The following ABRA variants were observed in gnomAD, a reference collection of about 807,000 sequenced individuals.
ABRA encodes the protein actin binding Rho activating protein, also known as actin-binding Rho-activating protein.
ABRA carries 25 observed loss-of-function variants against 33.4 expected under a neutral mutation model. The observed-to-expected ratio is 0.75, with a 90% confidence interval of 0.55 to 1.04. ABRA has a LOEUF of 1.04. Ranked by LOEUF, ABRA falls within the 50% of genes least tolerant of loss-of-function variation. The pLI, the probability that ABRA is intolerant of heterozygous loss-of-function variation, is 0.00. For synonymous variants in ABRA, 193 were observed against 176.8 expected, an observed-to-expected ratio of 1.09 and a Z score of -0.73; for missense variants, 501 against 491.7, an observed-to-expected ratio of 1.02 and a Z score of -0.18.
In ABRA at chr8:106,770,205, T is replaced by C; in HGVS notation, c.-15A>G. ...CCCGGAGCCATGCTGCCCACCTGTC[T>C]TTCTCTGCTGATAGCCTGGACACTG... On this transcript the variant is annotated 5_prime_UTR_variant, in exon 1 of 2. Coordinates refer to ENST00000311955, the MANE Select transcript of ABRA (RefSeq NM_139166.5). 2.5e-6 allele frequency: 4 copies of C among 1,591,720 alleles called. No individual in the cohort carries two copies. Among genetic ancestry groups the C allele is most frequent in the Admixed American group, 3.4e-5 (2 of 59,224 alleles).
chr8:106,768,292 C>CTT (rs1271164878), intron 1 of ABRA, among the ~76,000 whole-genome samples: 1 of 152,134 alleles, frequency 6.6e-6, no homozygotes, highest in Non-Finnish European at 1.5e-5. Flanking sequence ...GAAATCCTGA[C>CTT]TTTCTACCAT....
chr8:106,762,363 A>G (rs1836150819), intron 1 of ABRA, among the ~76,000 whole-genome samples: 1 of 152,256 alleles, frequency 6.6e-6, no homozygotes, highest in Non-Finnish European at 1.5e-5. Flanking sequence ...ACCAAGGTCA[A>G]TGCTCTTTCT....
At chr8:106,762,915 A>G (rs1836158100) in intron 1 of ABRA, among the ~76,000 whole-genome samples, 1 of 152,174 alleles carries the variant, frequency 6.6e-6, no homozygotes, top group Non-Finnish European at 1.5e-5. Context: ...TGAACTATCT[A>G]AAAGAGAGTT....
intron 1 of ABRA, among the ~76,000 whole-genome samples, chr8:106,761,739 A>G (rs1243215087): frequency 6.6e-6 from 1 of 152,240 alleles, no homozygotes; most frequent in African/African-American, 2.4e-5. Flanking sequence ...TTCTCTATGA[A>G]TAACGATTTT....
chr8:106,767,102 T>C (rs914977332), intron 1 of ABRA, among the ~76,000 whole-genome samples: 2 of 152,232 alleles, frequency 1.3e-5, no homozygotes, highest in African/African-American at 4.8e-5. Context: ...ACAAATTCCC[T>C]AATATTTCTT....
At position 106,760,839 on chromosome 8, in the gene ABRA, T is replaced by C. The variant is rs982503720; in HGVS notation, c.*198A>G. 1 of 596,864 alleles carries C rather than the reference T, an allele frequency of 1.7e-6. No homozygotes were observed. The highest frequency in any genetic ancestry group is 3.0e-5 in the Admixed American group (1 of 33,618). The allele number at this position is 596,864 out of a possible 1,614,324, so 37.0% of individuals were successfully genotyped here. ...ATTATACATTAACATTCTATGTGCTTTCTGAAATGCTTTGTGCCTTCTCAA... is the reference window on the plus strand; with the variant it reads ...ATTATACATTAACATTCTATGTGCTCTCTGAAATGCTTTGTGCCTTCTCAA... On this transcript the variant is annotated 3_prime_UTR_variant, in exon 2 of 2. Coordinates refer to ENST00000311955, the MANE Select transcript of ABRA (RefSeq NM_139166.5).
chr8:106,768,041 GC>G (rs1015832139), intron 1 of ABRA, among the ~76,000 whole-genome samples: 2 of 151,060 alleles, frequency 1.3e-5, no homozygotes, highest in African/African-American at 4.9e-5. Flanking sequence ...GTTGCAGTGA[GC>G]CGAGGTCGTG....
rs1836115801 is a variant in ABRA at position 106,760,192 on chromosome 8, A to G, written c.*845T>C. 1 of 152,228 alleles carries G rather than the reference A, an allele frequency of 6.6e-6. No homozygotes were observed. Among genetic ancestry groups the G allele is most frequent in the African/African-American group, 2.4e-5 (1 of 41,472 alleles). The allele number at this position is 152,228 out of a possible 1,614,324, so 9.4% of individuals were successfully genotyped here. A position where few individuals can be genotyped will look rare whatever the true frequency, so the allele number is the denominator to read the frequency against. ...ACAATAAACTTCTCCAAGAAGTCCT[A>G]CAAAGGCAAGTAAATCTGAATCTCT... On this transcript the variant is annotated 3_prime_UTR_variant, in exon 2 of 2. Transcript: ENST00000311955.
intron 1 of ABRA, among the ~76,000 whole-genome samples, chr8:106,764,950 T>C (rs1207562269): frequency 2.6e-5 from 4 of 152,068 alleles, no homozygotes; most frequent in African/African-American, 7.2e-5. Flanking sequence ...GGTTAGAAAG[T>C]CTTATACACT....
chr8:106,764,784 G>T (rs993605029), intron 1 of ABRA, among the ~76,000 whole-genome samples: 1 of 152,084 alleles, frequency 6.6e-6, no homozygotes, highest in African/African-American at 2.4e-5. Context: ...ACCAAAGAAA[G>T]TTGGTCCCAT....
rs1458545365 is a variant in ABRA, at chr8:106,759,642, T to G, written c.*1395A>C. The G allele has an allele frequency of 6.6e-6, 1 of 152,206 alleles. No individual in the cohort carries two copies. The highest frequency in any genetic ancestry group is 1.5e-5 in the Non-Finnish European group (1 of 68,026). 9.4% of individuals were successfully genotyped at this position (152,206 alleles called of 1,614,324 possible). A position where few individuals can be genotyped will look rare whatever the true frequency, so the allele number is the denominator to read the frequency against. On this transcript the variant is annotated 3_prime_UTR_variant, in exon 2 of 2. Transcript: ENST00000311955. ...CGGTATGGAAACAAAATACGCATAC[T>G]TTCTTAAGATACCAGAACCTTCAGT...
intron 1 of ABRA, among the ~76,000 whole-genome samples, chr8:106,766,644 C>G (rs572174466): frequency 6.6e-6 from 1 of 152,208 alleles, no homozygotes; most frequent in South Asian, 2.1e-4. Context: ...TACTCTAAGA[C>G]AGAGGGAAAG....
chr8:106,763,807 C>T (rs1836170643), intron 1 of ABRA, among the ~76,000 whole-genome samples: 1 of 152,194 alleles, frequency 6.6e-6, no homozygotes, highest in African/African-American at 2.4e-5. Context: ...CATACTTTGT[C>T]TCCTGAGCAC....
rs770251403 is a variant in ABRA at position 106,761,144 on chromosome 8, C to T, written c.1039G>A (p.Val347Ile). Residue 347 changes from valine to isoleucine, a missense_variant, in exon 2 of 2, where the codon GTA becomes ATA. By Grantham distance (29) the Val-to-Ile change is conservative (BLOSUM62 3). Coordinates refer to ENST00000311955, the MANE Select transcript of ABRA (RefSeq NM_139166.5). ...CTGGCACGCATGAGAATGCCCACTA[C>T]TTTATCTGAAATACGAACGTATCTG... The part of the protein sequence containing the change: ...FDRYVRISDK[V>I]VGILMRARKH... 3.1e-6 allele frequency: 5 copies of T among 1,614,210 alleles called. No homozygotes were observed. In the South Asian group the frequency reaches 3.3e-5, roughly 11 times the overall value.
chr8:106,762,533 A>G (rs1836152816), intron 1 of ABRA, among the ~76,000 whole-genome samples: 1 of 152,194 alleles, frequency 6.6e-6, no homozygotes, highest in South Asian at 2.1e-4. Context: ...CCAGCCTAAT[A>G]TTAGGATGGG....
chr8:106,768,824 T>A (rs558148937), intron 1 of ABRA, among the ~76,000 whole-genome samples: 117 of 152,214 alleles, frequency 7.7e-4, no homozygotes, highest in African/African-American at 2.7e-3. Flanking sequence ...TTGGTAGATA[T>A]GGGGTTTCAC....
In ABRA at chr8:106,760,983, A is replaced by G; in HGVS notation, c.*54T>C. 2 of 1,461,640 alleles carry G rather than the reference A, an allele frequency of 1.4e-6. No individual in the cohort carries two copies. Among genetic ancestry groups the G allele is most frequent in the Non-Finnish European group, 1.9e-6 (2 of 1,061,188 alleles). 90.5% of individuals were successfully genotyped at this position (1,461,640 alleles called of 1,614,324 possible). A position where few individuals can be genotyped will look rare whatever the true frequency, so the allele number is the denominator to read the frequency against. On this transcript the variant is annotated 3_prime_UTR_variant, in exon 2 of 2. Transcript: ENST00000311955. ...TTTGCATTTTCATTTTACCTACATG[A>G]GCATTTAGCATTAAGACCATAGTGG...
chr8:106,770,068 G>A lies in ABRA; in HGVS notation c.123C>T (p.Ser41=). The A allele has an allele frequency of 1.2e-6, 2 of 1,614,082 alleles. No homozygotes were observed. Among genetic ancestry groups the A allele is most frequent in the Non-Finnish European group, 1.7e-6 (2 of 1,180,014 alleles). Residue 41 remains serine (S), a synonymous_variant, in exon 1 of 2, where the codon AGC becomes AGT. Transcript: ENST00000311955. ...CTGTAGGCTCCTGGGCCTGCCTGAT[G>A]CTGTTCTCATTCGCCCACTGCTGCC... ...RGWQQWANEN[S]IRQAQEPTGW...
chr8:106,763,866 A>C (rs919438107), intron 1 of ABRA, among the ~76,000 whole-genome samples: 1 of 152,198 alleles, frequency 6.6e-6, no homozygotes, highest in Non-Finnish European at 1.5e-5. Flanking sequence ...TCCTGGCTTT[A>C]AACAGTTTTT....
Sources: gnomAD v4.1 joint callset for allele counts (sites outside exome capture counted in the v4.1 genomes callset) on GRCh38, gnomAD v4.1.1 for gene constraint, MANE v1.5 for transcripts, NCBI Gene and HGNC (gene_info 2026-07-23, HGNC 2026-07-21) for gene names.